Variants in ALPK1 observed in about 807,000 individuals in gnomAD.
ALPK1 encodes alpha kinase 1.
A neutral mutation model predicts 120.6 loss-of-function variants in ALPK1; 110 were observed. The ratio of observed to expected loss-of-function variants is 0.91; its 90% CI spans 0.78 to 1.07. ALPK1 has a LOEUF of 1.07. Ranked by LOEUF, ALPK1 falls within the 50% of genes least tolerant of loss-of-function variation. ALPK1 has a pLI of 0.00. For synonymous variants in ALPK1, 582 were observed against 560.3 expected (o/e 1.04, Z -0.55); for missense variants, 1,498 against 1,483.9 (o/e 1.01, Z -0.16).
chr4:112,377,989 T>TG, intron 3 of ALPK1, 91 bp downstream of exon 3: 1 of 1,354,268 alleles, frequency 7.4e-7, no homozygotes, highest in Non-Finnish European at 9.7e-7. Flanking sequence ...TCTGCCCTAT[T>TG]TTTCTTCTCT....
At position 112,356,112 on chromosome 4, in the gene ALPK1, T is replaced by C; in HGVS notation, c.-100-21566T>C. 2.8e-6 allele frequency: 4 copies of C among 1,426,162 alleles called. No individual in the cohort carries two copies. In the South Asian group the frequency reaches 3.4e-5, roughly 12 times the overall value. The allele number at this position is 1,426,162 out of a possible 1,614,324, so 88.3% of individuals were successfully genotyped here. On this transcript the variant is annotated intron_variant, in intron 2 of 15. Transcript: ENST00000650871. The stretch of plus-strand genomic sequence containing the variant: ...TAGCCTGCCCCTCAGCCACCCTCTG[T>C]GCCCTCCTGAGAACAGGCTGATATG...
At chr4:112,400,847 C>G (rs1345826726) in intron 4 of ALPK1, among the ~76,000 whole-genome samples, 2 of 152,216 alleles carry the variant, frequency 1.3e-5, no homozygotes, top group Non-Finnish European at 2.9e-5. Flanking sequence ...AATGTACCCT[C>G]TCCCCTGGCA....
chr4:112,389,806 C>T (rs1367012105), intron 4 of ALPK1, among the ~76,000 whole-genome samples: 3 of 152,180 alleles, frequency 2.0e-5, no homozygotes, highest in Non-Finnish European at 4.4e-5. Context: ...AAATAAGGTC[C>T]CCTTTCAGGG....
rs1412542137 is a variant in ALPK1, at chr4:112,431,878, A to G, written c.2331A>G (p.Thr777=). The change falls in exon 11 of 16, where the codon ACA becomes ACG. Residue 777 remains threonine, a synonymous_variant. Transcript: ENST00000650871. The part of the protein sequence containing the change: ...EEISERGAGP[T]FKASPSWVDP... ...TTAGTGAAAGAGGCGCAGGCCCTAC[A>G]TTTAAAGCTAGTCCCTCCTGGGTTG... The G allele has an allele frequency of 3.7e-6, 6 of 1,613,910 alleles. No individual in the cohort carries two copies. The South Asian group carries it at 5.5e-5, about 15-fold the overall frequency.
chr4:112,384,787 G>A (rs1732076747), intron 4 of ALPK1: 1 of 152,170 alleles, frequency 6.6e-6, no homozygotes, highest in African/African-American at 2.4e-5. Flanking sequence ...AGAGGGTCAA[G>A]GTAAGGAGTA....
At chr4:112,348,276 A>C (rs1730182516) in intron 2 of ALPK1, among the ~76,000 whole-genome samples, 1 of 152,228 alleles carries the variant, frequency 6.6e-6, no homozygotes. Context: ...AAGGGCATTA[A>C]AACTGCAAGT....
At chr4:112,348,714 G>T (rs945719055) in intron 2 of ALPK1, among the ~76,000 whole-genome samples, 1 of 152,198 alleles carries the variant, frequency 6.6e-6, no homozygotes, top group Non-Finnish European at 1.5e-5. Context: ...AAGACCCATC[G>T]GCTGCTGGTG....
In ALPK1 at chr4:112,323,753, G is replaced by A. The variant is rs534607974; in HGVS notation, c.-101+7901G>A. 2.0e-5 allele frequency among the ~76,000 whole-genome samples: 3 copies of A among 152,320 alleles called. No individual in the cohort carries two copies. In the South Asian group the frequency reaches 6.2e-4, roughly 32 times the overall value. ...CTTGGAAAATATTAAGTTTGTCAGA[G>A]TCTGTAATTTGCTTCTACGCTCCTT... On this transcript the variant is annotated intron_variant, in intron 2 of 15. Transcript: ENST00000650871.
intron 1 of ALPK1, among the ~76,000 whole-genome samples, chr4:112,298,052 T>C (rs1727621686): frequency 6.6e-6 from 1 of 152,134 alleles, no homozygotes; most frequent in African/African-American, 2.4e-5. Context: ...TTAAATTCCT[T>C]TGCATGTCTA....
intron 4 of ALPK1, among the ~76,000 whole-genome samples, chr4:112,391,820 AC>A (rs1453591105): frequency 6.6e-6 from 1 of 152,158 alleles, no homozygotes; most frequent in Non-Finnish European, 1.5e-5. Context: ...CTTTTAAATC[AC>A]CCAGTTTATG....
chr4:112,339,151 GT>G (rs1336931797), intron 2 of ALPK1, among the ~76,000 whole-genome samples: 2 of 152,184 alleles, frequency 1.3e-5, no homozygotes, highest in Non-Finnish European at 2.9e-5. Flanking sequence ...ATAATGAAAG[GT>G]GTGGGTTAGA....
intron 2 of ALPK1, among the ~76,000 whole-genome samples, chr4:112,318,664 G>C (rs1728738140): frequency 6.6e-6 from 1 of 152,244 alleles, no homozygotes; most frequent in Non-Finnish European, 1.5e-5. Context: ...AAAATGGGGA[G>C]AGGAACATTC....
intron 2 of ALPK1, among the ~76,000 whole-genome samples, chr4:112,330,592 C>T: frequency 6.6e-6 from 1 of 152,176 alleles, no homozygotes; most frequent in East Asian, 1.9e-4. Flanking sequence ...TGCTTCTTCC[C>T]TTTGATTCCT....
chr4:112,351,319 G>A (rs954324714), intron 2 of ALPK1, among the ~76,000 whole-genome samples: 6 of 152,122 alleles, frequency 3.9e-5, no homozygotes. Flanking sequence ...GAGAGATAGA[G>A]GGAAGGGACA....
Position 112,439,761 on chromosome 4 carries a change from A to G in ALPK1, c.3427A>G (p.Asn1143Asp). The G allele has an allele frequency of 6.2e-7, 1 of 1,613,712 alleles. No individual in the cohort carries two copies. The highest frequency in any genetic ancestry group is 8.5e-7 in the Non-Finnish European group (1 of 1,179,854). ...ACTGGGAGAATTTGTAAAATTGTCA[A>G]ATAACACGAAAGTGGTGAAAACAGA... ...YILGEFVKLS[N>D]NTKVVKTEYK... The change falls in exon 14 of 16, where the codon AAT becomes GAT. Residue 1143 changes from asparagine to aspartate, a missense_variant. By Grantham distance (23) the Asn-to-Asp change is conservative (BLOSUM62 1). Coordinates refer to ENST00000650871, the MANE Select transcript of ALPK1 (RefSeq NM_025144.4).
intron 1 of ALPK1, among the ~76,000 whole-genome samples, chr4:112,304,202 A>G (rs1727921788): frequency 6.6e-6 from 1 of 151,990 alleles, no homozygotes; most frequent in African/African-American, 2.4e-5. Context: ...TAGTGCCACA[A>G]TAAACATACG....
chr4:112,439,398 G>A (rs925051318), intron 13 of ALPK1, among the ~76,000 whole-genome samples: 12 of 152,166 alleles, frequency 7.9e-5, no homozygotes, highest in Non-Finnish European at 1.2e-4. Flanking sequence ...CTCCAGGACA[G>A]GTCACGTCAT....
At chr4:112,438,690 C>A (rs764299841) in intron 13 of ALPK1, 44 bp downstream of exon 13, 2 of 1,583,992 alleles carry the variant, frequency 1.3e-6, no homozygotes, top group Admixed American at 1.7e-5. Context: ...CCAAATCACA[C>A]TTGAATATCA....
chr4:112,358,443 C>T (rs1225319070), intron 2 of ALPK1: 35 of 653,072 alleles, frequency 5.4e-5, no homozygotes. Flanking sequence ...CCCCTCCTCT[C>T]CACCAGGAAA....
Sources: allele counts gnomAD v4.1 joint callset (sites outside exome capture counted in the v4.1 genomes callset), GRCh38; gene constraint gnomAD v4.1.1; transcripts MANE v1.5; gene names NCBI Gene and HGNC (gene_info 2026-07-23, HGNC 2026-07-21).